The following MEGF6 variants were observed in gnomAD, a reference collection of about 807,000 sequenced individuals.
MEGF6 encodes the protein multiple EGF like domains 6.
In MEGF6, 184 loss-of-function variants were observed where a neutral mutation model predicts 207.1. The observed-to-expected ratio is 0.89, with a 90% CI of 0.79 to 1.00. The LOEUF (loss-of-function observed/expected upper bound fraction) is 1.00, where lower values mean the gene tolerates loss of function less well. Ranked by LOEUF, MEGF6 falls within the 50% of genes least tolerant of loss-of-function variation. The pLI is 0.00. For synonymous variants in MEGF6, 1,038 were observed against 910.0 expected (o/e 1.14, Z -2.53); for missense variants, 2,282 against 2,202.9 (o/e 1.04, Z -0.72).
Position 3,494,514 on chromosome 1 carries a change from G to A in MEGF6, c.4001-15C>T. On this transcript the variant is annotated splice_polypyrimidine_tract_variant and intron_variant, in intron 31 of 36. Coordinates refer to ENST00000356575, the MANE Select transcript of MEGF6 (RefSeq NM_001409.4). The stretch of plus-strand genomic sequence containing the variant: ...AGGGGGACAGGCTGGGGACAGGGCA[G>A]GGTGGGCAGTCCTTCGGCACCAGCC... The A allele has an allele frequency of 6.3e-7, 1 of 1,585,236 alleles. No individual in the cohort carries two copies. The highest frequency in any genetic ancestry group is 8.6e-7 in the Non-Finnish European group (1 of 1,169,384).
Position 3,501,177 on chromosome 1 carries a change from C to T in MEGF6, c.2446G>A (p.Val816Met), listed in dbSNP as rs1490832889. The change falls in exon 19 of 37, where the codon GTG (valine) becomes ATG (methionine). Residue 816 changes from valine to methionine, a missense_variant and splice_region_variant. Coordinates refer to ENST00000356575, the MANE Select transcript of MEGF6 (RefSeq NM_001409.4). Reference protein sequence around the residue: ...PGFVGSRCQDVCPAGWYGPSC... With the variant: ...PGFVGSRCQDMCPAGWYGPSC... Reference sequence around the variant, plus strand: ...TCAGGGGCAGCTCCAGCTCACTCACCGTCCTGGCAGCGGCTGCCGACGAAG... The same window carrying T: ...TCAGGGGCAGCTCCAGCTCACTCACTGTCCTGGCAGCGGCTGCCGACGAAG... 75 of 1,612,340 alleles carry T rather than the reference C, an allele frequency of 4.7e-5. No individual in the cohort carries two copies. Among genetic ancestry groups the T allele is most frequent in the African/African-American group, 5.3e-5 (4 of 74,900 alleles).
upstream of MEGF6, among the ~76,000 whole-genome samples, chr1:3,614,094 A>G (rs1173867759): frequency 6.6e-6 from 1 of 152,162 alleles, no homozygotes; most frequent in Non-Finnish European, 1.5e-5. Context: ...TGATGGGGGC[A>G]ATCCACCGGG....
chr1:3,535,057 C>T (rs912248450), intron 4 of MEGF6, among the ~76,000 whole-genome samples: 2 of 152,156 alleles, frequency 1.3e-5, no homozygotes, highest in South Asian at 4.1e-4. Flanking sequence ...GGCCACATCC[C>T]GGGGCATCTC....
chr1:3,520,553 C>A (rs371065583), intron 5 of MEGF6, among the ~76,000 whole-genome samples: 1 of 152,110 alleles, frequency 6.6e-6, no homozygotes, highest in Non-Finnish European at 1.5e-5. Flanking sequence ...AGAGACCGGG[C>A]GCCCTGGGCA....
chr1:3,587,577 G>GT (rs1643909876), intron 3 of MEGF6, among the ~76,000 whole-genome samples: 1 of 152,250 alleles, frequency 6.6e-6, no homozygotes, highest in South Asian at 2.1e-4. Context: ...TGACTACAGA[G>GT]TGAACCGGAA....
At chr1:3,552,624 G>C (rs1642922041) in intron 4 of MEGF6, among the ~76,000 whole-genome samples, 1 of 152,256 alleles carries the variant, frequency 6.6e-6, no homozygotes, top group African/African-American at 2.4e-5. Context: ...CCTGAGCCCG[G>C]GAGTTCAAGG....
chr1:3,532,307 A>G (rs1465693656), intron 4 of MEGF6, among the ~76,000 whole-genome samples: 1 of 152,224 alleles, frequency 6.6e-6, no homozygotes. Context: ...CAGAGTCCCC[A>G]GAGCCCCCCA....
At chr1:3,546,362 C>T (rs1278636863) in intron 4 of MEGF6, among the ~76,000 whole-genome samples, 7 of 152,220 alleles carry the variant, frequency 4.6e-5, no homozygotes, top group Admixed American at 1.3e-4. Context: ...CATCCCTGCC[C>T]GCCCCTCCTT....
In MEGF6 at chr1:3,556,275, C is replaced by T. The variant is rs1643029015; in HGVS notation, c.481+23550G>A. On this transcript the variant is annotated intron_variant, in intron 4 of 36. Coordinates refer to ENST00000356575, the MANE Select transcript of MEGF6 (RefSeq NM_001409.4). This position sits in a 1 kb window ranked among gnomAD's most constrained non-coding sequence, Gnocchi z 4.4. ...CATAACCTAGAGCTCTGTGTGAGGC[C>T]CGCAGGCCAGGTCAGAATTAAACTC... 6.6e-6 allele frequency among the ~76,000 whole-genome samples: 1 copy of T among 152,208 alleles called. No homozygotes were observed. The highest frequency in any genetic ancestry group is 6.5e-5 in the Admixed American group (1 of 15,288).
Position 3,501,826 on chromosome 1 carries a change from G to A in MEGF6, c.2284C>T (p.Pro762Ser), listed in dbSNP as rs750884881. Reference protein sequence around the residue: ...HGVTGQCRCPPGRTGEDCEAD... With the variant: ...HGVTGQCRCPSGRTGEDCEAD... ...TCACAGTCTTCCCCAGTCCTCCCCGGCGGACACCGGCACTGCCCCGTGACC... is the reference window on the plus strand; with the variant it reads ...TCACAGTCTTCCCCAGTCCTCCCCGACGGACACCGGCACTGCCCCGTGACC... Residue 762 changes from proline to serine, a missense_variant, in exon 18 of 37, where the codon CCG (proline) becomes TCG (serine). Coordinates refer to ENST00000356575, the MANE Select transcript of MEGF6 (RefSeq NM_001409.4). The A allele has an allele frequency of 3.1e-6, 5 of 1,609,390 alleles. No individual in the cohort carries two copies. Among genetic ancestry groups the A allele is most frequent in the African/African-American group, 2.7e-5 (2 of 74,680 alleles).
chr1:3,546,576 C>G lies in MEGF6; in HGVS notation c.482-22330G>C, dbSNP rs557193742. ...GCTGGGAAGGGGGCTGCCAGGGAGG[C>G]CGCTGAGGCGGGGTGGCAGTGGGCT... is the stretch of plus-strand genomic sequence containing the variant. On this transcript the variant is annotated intron_variant, in intron 4 of 36. Transcript: ENST00000356575. Among the ~76,000 whole-genome samples, 230 of 139,002 alleles carry G rather than the reference C, an allele frequency of 1.7e-3. 1 individual carries two copies. Among genetic ancestry groups the G allele is most frequent in the African/African-American group, 5.7e-3 (209 of 36,964 alleles). The allele number at this position is 139,002 out of a possible 152,430, so 91.2% of individuals were successfully genotyped here.
intron 4 of MEGF6, among the ~76,000 whole-genome samples, chr1:3,575,632 A>ATCTTATG (rs33989938): frequency 0.052 from 7,959 of 151,674 alleles, 279 homozygotes; most frequent in South Asian, 0.16. Context: ...AGCAAGTCAC[A>ATCTTATG]TCTTACATGG....
At position 3,488,215 on chromosome 1, in the gene MEGF6, C is replaced by G. The variant is rs769654233; in HGVS notation, c.*2313G>C. On this transcript the variant is annotated 3_prime_UTR_variant, in exon 37 of 37. Transcript: ENST00000356575. ...ACATTAGGATCTGTGAGCGTGTTTT[C>G]TAGTTATTCTGCTTTATTTTCCTCT... 1.3e-4 allele frequency among the ~76,000 whole-genome samples: 20 copies of G among 152,178 alleles called. No homozygotes were observed. The highest frequency in any genetic ancestry group is 2.6e-4 in the Non-Finnish European group (18 of 68,034).
intron 24 of MEGF6, 64 bp downstream of exon 24, chr1:3,499,074 G>T: frequency 6.4e-7 from 1 of 1,571,166 alleles, no homozygotes; most frequent in East Asian, 2.3e-5. Context: ...TGTGGGCCCT[G>T]CAAGAGGCCA....
intron 6 of MEGF6, among the ~76,000 whole-genome samples, chr1:3,515,131 T>C (rs1376983283): frequency 1.3e-5 from 2 of 152,114 alleles, no homozygotes; most frequent in East Asian, 1.9e-4. Flanking sequence ...AAGCCCCCCC[T>C]TTCCACGCAA....
intron 14 of MEGF6, 21 bp from the exon 15 acceptor site, chr1:3,506,257 T>C (rs1641114177): frequency 6.2e-7 from 1 of 1,604,646 alleles, no homozygotes. Flanking sequence ...CGGGGCTCCA[T>C]GTGAACCTTG....
chr1:3,613,257 G>C (rs1644350973), upstream of MEGF6, among the ~76,000 whole-genome samples: 1 of 152,138 alleles, frequency 6.6e-6, no homozygotes, highest in Admixed American at 6.5e-5. Flanking sequence ...CCCCAAGCCT[G>C]GGTTTGGGGG....
chr1:3,498,944 C>T (rs1351394425), intron 24 of MEGF6, 118 bp from the exon 25 acceptor site: 1 of 1,430,328 alleles, frequency 7.0e-7, no homozygotes, highest in Non-Finnish European at 9.4e-7. Flanking sequence ...GGGGGCTGCC[C>T]CTAGGATGAC....
At chr1:3,506,731 C>T (rs746048690) in intron 14 of MEGF6, among the ~76,000 whole-genome samples, 5 of 152,168 alleles carry the variant, frequency 3.3e-5, no homozygotes, top group Non-Finnish European at 7.3e-5. Flanking sequence ...CTACTGAAGG[C>T]GGTAGTCAGC....
Sources: allele counts gnomAD v4.1 joint callset (sites outside exome capture counted in the v4.1 genomes callset), GRCh38; gene constraint gnomAD v4.1.1; non-coding constraint Gnocchi (gnomAD v3.1); transcripts MANE v1.5; gene names NCBI Gene and HGNC (gene_info 2026-07-23, HGNC 2026-07-21).